Variants in MAP2 observed in about 807,000 individuals in gnomAD.
MAP2 encodes microtubule-associated protein 2.
In MAP2, 14 loss-of-function variants were observed where a neutral mutation model predicts 137.6. The ratio of observed to expected loss-of-function variants is 0.10; its 90% CI spans 0.07 to 0.16. The LOEUF (loss-of-function observed/expected upper bound fraction) is 0.16. Ranked by LOEUF, MAP2 falls within the 10% of genes least tolerant of loss-of-function variation. The pLI is 1.00. For missense variants in MAP2, 2,088 were observed against 2,191.5 expected (o/e 0.95, Z 0.94); for synonymous variants, 786 against 782.3 (o/e 1.00, Z -0.08).
rs748106956 is a variant in MAP2, at chr2:209,694,506, G to A, written c.2336G>A (p.Ser779Asn). 7 of 1,613,964 alleles carry A rather than the reference G, an allele frequency of 4.3e-6. No homozygotes were observed. The highest frequency in any genetic ancestry group is 2.2e-5 in the East Asian group (1 of 44,882). The change falls in exon 8 of 16, where the codon AGT becomes AAT. Residue 779 changes from serine to asparagine, a missense_variant. Ser to Asn is a conservative substitution (Grantham distance 46). Around this residue, in one of 6 missense-constraint regions of MAP2, gnomAD observed 500 missense variants for 482.9 expected, o/e 1.04. Coordinates refer to ENST00000682079, the MANE Select transcript of MAP2 (RefSeq NM_001375505.1). ...IEKVKATGEESTQAEISCESP... is the reference protein window; with the variant it reads ...IEKVKATGEENTQAEISCESP... ...AAAGTAAAAGCTACTGGAGAAGAAA[G>A]TACTCAAGCGGAGATATCATGTGAG... is the stretch of plus-strand genomic sequence containing the variant.
rs2059762239 is a variant in MAP2, at chr2:209,694,734, ATGTCAT to A, written c.2568_2573del (p.Ile857_Val858del). 12 of 1,614,170 alleles carry A rather than the reference ATGTCAT, an allele frequency of 7.4e-6. No homozygotes were observed. The East Asian group carries it at 2.7e-4, about 36-fold the overall frequency. On this transcript the variant is annotated inframe_deletion, in exon 8 of 16. Coordinates refer to ENST00000682079, the MANE Select transcript of MAP2 (RefSeq NM_001375505.1). ...TTGCCCCCGGTAACTGATGAAAACC[ATGTCAT>A]TGTAAAAACGGACAGTCAGCTCGAA...
At chr2:209,480,767 T>C (rs1221225745) in intron 1 of MAP2, among the ~76,000 whole-genome samples, 2 of 152,226 alleles carry the variant, frequency 1.3e-5, no homozygotes, top group African/African-American at 4.8e-5. Context: ...ATATACGATA[T>C]AAAAAGTCCA....
Position 209,723,419 on chromosome 2 carries a change from A to G in MAP2, c.5074-2290A>G, listed in dbSNP as rs118060380. Among the ~76,000 whole-genome samples the G allele has an allele frequency of 5.5e-4, 84 of 152,298 alleles. 2 individuals are homozygous for G. In the East Asian group the frequency reaches 5.8e-3, roughly 10 times the overall value. On this transcript the variant is annotated intron_variant, in intron 13 of 15. Coordinates refer to ENST00000682079, the MANE Select transcript of MAP2 (RefSeq NM_001375505.1). ...TTGACCCTTGTGGGTGCAGAAGAAT[A>G]GGGGCTCAGATTTACATGATAGAAC... is the stretch of plus-strand genomic sequence containing the variant.
chr2:209,647,772 G>GA (rs1413722277), intron 4 of MAP2, among the ~76,000 whole-genome samples: 15 of 151,968 alleles, frequency 9.9e-5, no homozygotes, highest in Non-Finnish European at 1.0e-4. Flanking sequence ...ACATTAGCAT[G>GA]AAAAAAACAG....
At chr2:209,664,042 C>G in intron 5 of MAP2, among the ~76,000 whole-genome samples, 1 of 152,184 alleles carries the variant, frequency 6.6e-6, no homozygotes. Flanking sequence ...CTTCTGAACA[C>G]CCCCAAGTAC....
intron 4 of MAP2, among the ~76,000 whole-genome samples, chr2:209,647,080 C>A (rs866077369): frequency 1.3e-5 from 2 of 152,090 alleles, no homozygotes; most frequent in African/African-American, 2.4e-5. Context: ...GGAGCAAGCA[C>A]CTCACATGAC....
chr2:209,627,053 G>A (rs1469173827), intron 4 of MAP2, among the ~76,000 whole-genome samples: 1 of 151,768 alleles, frequency 6.6e-6, no homozygotes, highest in South Asian at 2.1e-4. Flanking sequence ...TGGGACTCAT[G>A]ATTTTCATTC....
intron 10 of MAP2, among the ~76,000 whole-genome samples, chr2:209,698,656 A>C (rs1468021051): frequency 6.6e-6 from 1 of 152,224 alleles, no homozygotes; most frequent in African/African-American, 2.4e-5. Context: ...GAAGGCTTGT[A>C]TATACGCACA....
At position 209,522,790 on chromosome 2, in the gene MAP2, A is replaced by T. The variant is rs1460362589; in HGVS notation, c.-172+15149A>T. Among the ~76,000 whole-genome samples the T allele has an allele frequency of 2.0e-5, 3 of 152,264 alleles. No individual in the cohort carries two copies. In the East Asian group the frequency reaches 5.8e-4, roughly 29 times the overall value. On this transcript the variant is annotated intron_variant, in intron 2 of 15. Coordinates refer to ENST00000682079, the MANE Select transcript of MAP2 (RefSeq NM_001375505.1). ...AAGTATCAGTTGATGCTGCTCCCTC[A>T]GTAACAAAACGGTTGCATTCAAACT...
chr2:209,598,833 A>C (rs1421452530), intron 3 of MAP2, among the ~76,000 whole-genome samples: 7 of 150,758 alleles, frequency 4.6e-5, no homozygotes, highest in South Asian at 2.1e-4. Flanking sequence ...ACATTTTCTT[A>C]ATCCAGTCTA....
chr2:209,571,170 C>T (rs146552477), intron 2 of MAP2, among the ~76,000 whole-genome samples: 14 of 151,888 alleles, frequency 9.2e-5, no homozygotes, highest in Admixed American at 2.0e-4. Context: ...ATACAAGAAC[C>T]CTTTTGCATA....
At chr2:209,478,268 T>A (rs1707853088) in intron 1 of MAP2, among the ~76,000 whole-genome samples, 1 of 152,170 alleles carries the variant, frequency 6.6e-6, no homozygotes, top group South Asian at 2.1e-4. Context: ...TATCATGCTA[T>A]CTCCTGTGAC....
At chr2:209,674,761 G>T (rs1207303042) in intron 5 of MAP2, among the ~76,000 whole-genome samples, 2 of 151,736 alleles carry the variant, frequency 1.3e-5, no homozygotes, top group East Asian at 3.9e-4. Context: ...CTGATTTTTT[G>T]ACTGTCTTTC....
At chr2:209,576,418 A>ATT (rs112057916) in intron 2 of MAP2, among the ~76,000 whole-genome samples, 1 of 144,014 alleles carries the variant, frequency 6.9e-6, no homozygotes, top group East Asian at 2.0e-4. Flanking sequence ...TAATTTTTGT[A>ATT]TTTTTTTTTT....
At chr2:209,460,775 G>C (rs148215633) in intron 1 of MAP2, among the ~76,000 whole-genome samples, 4 of 152,100 alleles carry the variant, frequency 2.6e-5, no homozygotes, top group Non-Finnish European at 5.9e-5. Context: ...TTGAGACAGA[G>C]TCTCACTGTG....
chr2:209,679,510 A>G (rs1464289065), intron 6 of MAP2, among the ~76,000 whole-genome samples: 1 of 148,246 alleles, frequency 6.7e-6, no homozygotes, highest in Non-Finnish European at 1.5e-5. Flanking sequence ...CACGTGAGTC[A>G]TAGAAAGGTG....
chr2:209,490,189 G>A (rs900348602), intron 1 of MAP2, among the ~76,000 whole-genome samples: 1 of 152,082 alleles, frequency 6.6e-6, no homozygotes, highest in African/African-American at 2.4e-5. Context: ...AGCTTCATAA[G>A]CAAAGAAGAA....
In MAP2 at chr2:209,694,744, A is replaced by G; in HGVS notation, c.2574A>G (p.Val858=). ...TAACTGATGAAAACCATGTCATTGT[A>G]AAAACGGACAGTCAGCTCGAAGACC... is the stretch of plus-strand genomic sequence containing the variant. ...PPVTDENHVI[V]KTDSQLEDLG... Residue 858 remains valine, a synonymous_variant, in exon 8 of 16, where the codon GTA becomes GTG. Transcript: ENST00000682079. 6.2e-7 allele frequency: 1 copy of G among 1,614,154 alleles called. No homozygotes were observed. The highest frequency in any genetic ancestry group is 8.5e-7 in the Non-Finnish European group (1 of 1,180,016).
chr2:209,611,877 T>C (rs911692533), intron 3 of MAP2, among the ~76,000 whole-genome samples: 1 of 152,178 alleles, frequency 6.6e-6, no homozygotes, highest in African/African-American at 2.4e-5. Flanking sequence ...GTTGTTACAA[T>C]TTAACAAGCA....
Sources: allele counts gnomAD v4.1 joint callset (sites outside exome capture counted in the v4.1 genomes callset), GRCh38; gene constraint gnomAD v4.1.1; regional missense constraint gnomAD v4.1.1; transcripts MANE v1.5; gene names NCBI Gene and HGNC (gene_info 2026-07-23, HGNC 2026-07-21).